The following DTX1 variants were observed in gnomAD, a reference collection of about 807,000 sequenced individuals.
DTX1 encodes the protein E3 ubiquitin-protein ligase DTX1.
In DTX1, 26 loss-of-function variants were observed where a neutral mutation model predicts 57.8. The ratio of observed to expected loss-of-function variants is 0.45; its 90% CI spans 0.33 to 0.62. The LOEUF (loss-of-function observed/expected upper bound fraction) is 0.62. DTX1 is among the 20% of genes least tolerant of loss of function. DTX1 has a pLI of 0.02. For missense variants in DTX1, 704 were observed against 895.3 expected (o/e 0.79, Z 2.73); for synonymous variants, 398 against 394.1 (o/e 1.01, Z -0.12).
In DTX1 at chr12:113,089,605, G is replaced by A. The variant is rs190262546; in HGVS notation, c.942-3557G>A. Reference sequence around the variant, plus strand: ...GCGTGTCCCACATCAAAAGGGGGCCGGGTGGCTCCCACGCTCAGGGTTCGT... The same window carrying A: ...GCGTGTCCCACATCAAAAGGGGGCCAGGTGGCTCCCACGCTCAGGGTTCGT... On this transcript the variant is annotated intron_variant, in intron 3 of 9. Coordinates refer to ENST00000548759, the MANE Select transcript of DTX1 (RefSeq NM_004416.3). 1.6e-4 allele frequency among the ~76,000 whole-genome samples: 24 copies of A among 152,310 alleles called. No homozygotes were observed. The East Asian group carries it at 3.9e-3, about 25-fold the overall frequency.
chr12:113,075,336 C>A lies in DTX1; in HGVS notation c.260-2088C>A, dbSNP rs370652803. On this transcript the variant is annotated intron_variant, in intron 2 of 9. Transcript: ENST00000548759. Reference sequence around the variant, plus strand: ...GCAGCTGTTCTCACTCACTCCTCCCCCAAATACTGTGTGAGAGGGAAGGGC... The same window carrying A: ...GCAGCTGTTCTCACTCACTCCTCCCACAAATACTGTGTGAGAGGGAAGGGC... Among the ~76,000 whole-genome samples, 15 of 152,324 alleles carry A rather than the reference C, an allele frequency of 9.8e-5. No homozygotes were observed. In the East Asian group the frequency reaches 1.9e-3, roughly 20 times the overall value.
chr12:113,081,751 A>G (rs2136061579), intron 3 of DTX1, among the ~76,000 whole-genome samples: 1 of 152,220 alleles, frequency 6.6e-6, no homozygotes, highest in Admixed American at 6.5e-5. Flanking sequence ...AGGCGCCAGC[A>G]AGAAGGAGAA....
intron 3 of DTX1, among the ~76,000 whole-genome samples, chr12:113,088,048 G>C (rs1301098727): frequency 6.6e-6 from 1 of 152,150 alleles, no homozygotes; most frequent in Non-Finnish European, 1.5e-5. Context: ...AGCACAGAGG[G>C]CTCTCTAGGC....
At position 113,093,780 on chromosome 12, in the gene DTX1, C is replaced by T. The variant is rs1054835230; in HGVS notation, c.1165+80C>T. ...CAACTCTGTGACCCCTGGTCTCCAA[C>T]TTATTCTTAGCATTTACTACCTCAC... On this transcript the variant is annotated intron_variant, in intron 5 of 9. Coordinates refer to ENST00000548759, the MANE Select transcript of DTX1 (RefSeq NM_004416.3). The surrounding 1 kb of genome is among the most constrained non-coding windows in gnomAD (Gnocchi z 4.2). 59 of 1,572,886 alleles carry T rather than the reference C, an allele frequency of 3.8e-5. No homozygotes were observed. Among genetic ancestry groups the T allele is most frequent in the Middle Eastern group, 1.7e-4 (1 of 5,930 alleles).
chr12:113,086,261 G>GGA (rs796870788), intron 3 of DTX1, among the ~76,000 whole-genome samples: 2 of 135,364 alleles, frequency 1.5e-5, no homozygotes, highest in Non-Finnish European at 3.2e-5. Flanking sequence ...CCTGTATCAA[G>GGA]AAAAAAAAAA....
rs568573948 is a variant in DTX1, at chr12:113,078,124, G to T, written c.941+19G>T. 2.2e-6 allele frequency: 3 copies of T among 1,345,878 alleles called. No homozygotes were observed. The highest frequency in any genetic ancestry group is 1.9e-6 in the Non-Finnish European group (2 of 1,051,100). The allele number at this position is 1,345,878 out of a possible 1,614,324, so 83.4% of individuals were successfully genotyped here. A position where few individuals can be genotyped will look rare whatever the true frequency, so the allele number is the denominator to read the frequency against. On this transcript the variant is annotated intron_variant, in intron 3 of 9. Transcript: ENST00000548759. ...CGCCGGGGTAAGACGGGGCCCAGGG[G>T]GAGGGGGCCTCTGCGTCGTCCGCAG...
intron 6 of DTX1, among the ~76,000 whole-genome samples, chr12:113,094,309 C>T (rs1394664119): frequency 6.6e-6 from 1 of 152,144 alleles, no homozygotes; most frequent in Admixed American, 6.5e-5. Context: ...TCATTTTCAC[C>T]CATATTTTCC....
Position 113,096,960 on chromosome 12 carries a change from C to T in DTX1, c.*21C>T. 1 of 1,596,642 alleles carries T rather than the reference C, an allele frequency of 6.3e-7. No individual in the cohort carries two copies. Among genetic ancestry groups the T allele is most frequent in the Admixed American group, 1.7e-5 (1 of 58,836 alleles). ...CTTGAGGCCCAAGGCTGCCCACCTT[C>T]CCTCCTGCTTTGCCCCTGGTCCGGC... is the stretch of plus-strand genomic sequence containing the variant. On this transcript the variant is annotated 3_prime_UTR_variant, in exon 10 of 10. Transcript: ENST00000548759.
At chr12:113,096,623 TG>T in intron 9 of DTX1, 91 bp from the exon 10 acceptor site, 1 of 1,238,462 alleles carries the variant, frequency 8.1e-7, no homozygotes, top group East Asian at 2.5e-5. Flanking sequence ...AAGGTAGCCA[TG>T]ATGTGGCAGG....
chr12:113,094,179 G>A, intron 6 of DTX1, 80 bp downstream of exon 6: 1 of 1,336,312 alleles, frequency 7.5e-7, no homozygotes, highest in Non-Finnish European at 1.0e-6. Context: ...CTGGGTTCTG[G>A]GTGATACAGA....
chr12:113,063,880 A>T (rs937549934), intron 2 of DTX1, among the ~76,000 whole-genome samples: 13 of 152,190 alleles, frequency 8.5e-5, no homozygotes, highest in African/African-American at 3.1e-4. Flanking sequence ...TTAGACACCA[A>T]CTGGGGACAG....
chr12:113,073,613 T>C (rs2136056907), intron 2 of DTX1, among the ~76,000 whole-genome samples: 1 of 152,208 alleles, frequency 6.6e-6, no homozygotes, highest in Non-Finnish European at 1.5e-5. Context: ...GCCTGTCCAG[T>C]TGGCAGGGCA....
intron 3 of DTX1, among the ~76,000 whole-genome samples, chr12:113,085,611 A>G (rs1196495930): frequency 6.6e-6 from 1 of 152,226 alleles, no homozygotes; most frequent in Non-Finnish European, 1.5e-5. Flanking sequence ...TCCTGCATTA[A>G]GGGCATTAAC....
At chr12:113,091,192 G>C (rs1035297099) in intron 3 of DTX1, among the ~76,000 whole-genome samples, 1 of 152,122 alleles carries the variant, frequency 6.6e-6, no homozygotes, top group East Asian at 1.9e-4. Flanking sequence ...TCCCAGGGGA[G>C]AGCTGTGTGT....
At chr12:113,092,766 T>G (rs533077626) in intron 3 of DTX1, among the ~76,000 whole-genome samples, 1 of 152,300 alleles carries the variant, frequency 6.6e-6, no homozygotes, top group East Asian at 1.9e-4. Flanking sequence ...TGGAACGTTT[T>G]ATGGAAATTA....
Position 113,057,989 on chromosome 12 carries a change from GGAA to G in DTX1, c.-202_-200del, listed in dbSNP as rs2044640469. On this transcript the variant is annotated 5_prime_UTR_variant, in exon 2 of 10. Transcript: ENST00000548759. Reference sequence around the variant, plus strand: ...CCCTTTATCGGAGAAGGCTCTACAGGGAAGGGGTCTTTGCAGCCTGGATGGCCA... The same window carrying G: ...CCCTTTATCGGAGAAGGCTCTACAGGGGGGTCTTTGCAGCCTGGATGGCCA... 1 of 758,458 alleles carries G rather than the reference GGAA, an allele frequency of 1.3e-6. No individual in the cohort carries two copies. Among genetic ancestry groups the G allele is most frequent in the African/African-American group, 1.8e-5 (1 of 56,674 alleles). The allele number at this position is 758,458 out of a possible 1,614,324, so 47.0% of individuals were successfully genotyped here. A position where few individuals can be genotyped will look rare whatever the true frequency, so the allele number is the denominator to read the frequency against.
chr12:113,077,564 G>A lies in DTX1; in HGVS notation c.400G>A (p.Glu134Lys). Residue 134 changes from glutamate (E) to lysine (K), a missense_variant, in exon 3 of 10, where the codon GAG (glutamate) becomes AAG (lysine). Coordinates refer to ENST00000548759, the MANE Select transcript of DTX1 (RefSeq NM_004416.3). This position sits in a 1 kb window ranked among gnomAD's most constrained non-coding sequence, Gnocchi z 7.8. ...CTGCATCACCATCCAGAACGCCTAC[G>A]AGAAGCAGCACCCGTGGCTCGACCT... ...DICITIQNAYEKQHPWLDLSS... is the reference protein window; with the variant it reads ...DICITIQNAYKKQHPWLDLSS... The A allele has an allele frequency of 1.2e-6, 2 of 1,613,828 alleles. No homozygotes were observed. Among genetic ancestry groups the A allele is most frequent in the Non-Finnish European group, 1.7e-6 (2 of 1,179,918 alleles).
At chr12:113,092,204 T>G (rs557677331) in intron 3 of DTX1, among the ~76,000 whole-genome samples, 1 of 152,280 alleles carries the variant, frequency 6.6e-6, no homozygotes, top group African/African-American at 2.4e-5. Flanking sequence ...GTGAAATTAC[T>G]CGGCCAGGAT....
chr12:113,089,303 CAA>C (rs1195501949), intron 3 of DTX1, among the ~76,000 whole-genome samples: 1 of 152,062 alleles, frequency 6.6e-6, no homozygotes, highest in Non-Finnish European at 1.5e-5. Context: ...TAACTGTGAG[CAA>C]AGTGGGAGCT....
Sources: allele counts gnomAD v4.1 joint callset (sites outside exome capture counted in the v4.1 genomes callset), GRCh38; gene constraint gnomAD v4.1.1; non-coding constraint Gnocchi (gnomAD v3.1); transcripts MANE v1.5; gene names NCBI Gene and HGNC (gene_info 2026-07-23, HGNC 2026-07-21).